The following ARID1B variants were observed in gnomAD, a reference collection of about 807,000 sequenced individuals.
The protein encoded by ARID1B is AT-rich interaction domain 1B, also known as AT-rich interactive domain-containing protein 1B.
A neutral mutation model predicts 212.3 loss-of-function variants in ARID1B; 30 were observed. The observed-to-expected ratio is 0.14, with a 90% CI of 0.11 to 0.19. The LOEUF (loss-of-function observed/expected upper bound fraction) is 0.19, where lower values mean the gene tolerates loss of function less well. Among genes scored for constraint, ARID1B ranks in the 10% least tolerant of loss-of-function variants. The probability of loss-of-function intolerance (pLI) is 1.00; values close to 1 mark genes in which losing one functional copy is unlikely to be tolerated. For synonymous variants in ARID1B, 1,402 were observed against 1,301.7 expected, an observed-to-expected ratio of 1.08 and a Z score of -1.66; for missense variants, 2,891 against 3,204.0, an observed-to-expected ratio of 0.90 and a Z score of 2.36.
intron 10 of ARID1B, among the ~76,000 whole-genome samples, chr6:157,174,482 A>G (rs1415864041): frequency 1.3e-5 from 2 of 151,586 alleles, no homozygotes; most frequent in Non-Finnish European, 2.9e-5. Context: ...AGCAACAACA[A>G]CATACTTAAT....
At chr6:156,849,877 C>G (rs746709452) in intron 2 of ARID1B, among the ~76,000 whole-genome samples, 2 of 151,916 alleles carry the variant, frequency 1.3e-5, no homozygotes, top group Non-Finnish European at 2.9e-5. Flanking sequence ...CTTTCTCTCT[C>G]GGATTAAAAA....
Position 157,200,754 on chromosome 6 carries a change from A to G in ARID1B, c.4529A>G (p.His1510Arg). ...DGMYGPPAKR[H>R]EGDMYNMQYS... Reference sequence around the variant, plus strand: ...ATGTACGGGCCCCCAGCCAAGCGCCACGAGGGCGACATGTACAACATGCAG... The same window carrying G: ...ATGTACGGGCCCCCAGCCAAGCGCCGCGAGGGCGACATGTACAACATGCAG... Residue 1510 changes from histidine (H) to arginine (R), a missense_variant, in exon 18 of 20, where the codon CAC becomes CGC. This residue lies in a region of ARID1B where 666 missense variants were observed against 873.5 expected (regional missense o/e 0.76). Transcript: ENST00000636930. The surrounding 1 kb of genome is among the most constrained non-coding windows in gnomAD (Gnocchi z 4.3). The G allele has an allele frequency of 6.2e-7, 1 of 1,613,686 alleles. No homozygotes were observed. The highest frequency in any genetic ancestry group is 1.3e-5 in the African/African-American group (1 of 75,016).
At chr6:156,847,622 A>G (rs1784317489) in intron 2 of ARID1B, among the ~76,000 whole-genome samples, 1 of 152,206 alleles carries the variant, frequency 6.6e-6, no homozygotes, top group South Asian at 2.1e-4. Flanking sequence ...ATATATTTTA[A>G]TGAGGATGAA....
At chr6:157,060,529 TAAC>T (rs1783269941) in intron 4 of ARID1B, among the ~76,000 whole-genome samples, 1 of 149,952 alleles carries the variant, frequency 6.7e-6, no homozygotes, top group Non-Finnish European at 1.5e-5. Context: ...TACTTTTCAA[TAAC>T]AACAATTTCA....
intron 6 of ARID1B, among the ~76,000 whole-genome samples, chr6:157,123,246 C>CA: frequency 8.0e-6 from 1 of 125,458 alleles, no homozygotes; most frequent in South Asian, 3.2e-4. Flanking sequence ...CCGCCCCCCC[C>CA]CCACACACAC....
chr6:156,799,502 G>A (rs1193642153), intron 1 of ARID1B, among the ~76,000 whole-genome samples: 1 of 152,098 alleles, frequency 6.6e-6, no homozygotes, highest in Non-Finnish European at 1.5e-5. Flanking sequence ...ATTTGGACAC[G>A]GAGTCTTGCT....
intron 2 of ARID1B, among the ~76,000 whole-genome samples, chr6:156,860,109 C>T (rs1015596806): frequency 3.3e-5 from 5 of 152,192 alleles, no homozygotes; most frequent in East Asian, 1.9e-4. Flanking sequence ...TGAACAAAAG[C>T]ACCTATACTT....
At chr6:156,793,197 G>A (rs1189023678) in intron 1 of ARID1B, among the ~76,000 whole-genome samples, 4 of 152,172 alleles carry the variant, frequency 2.6e-5, no homozygotes, top group Admixed American at 2.6e-4. Flanking sequence ...GATTGGAGAA[G>A]AAGCAAGGCA....
intron 3 of ARID1B, among the ~76,000 whole-genome samples, chr6:156,911,425 T>A (rs1436313579): frequency 6.6e-6 from 1 of 150,852 alleles, no homozygotes. Flanking sequence ...GGCATGGTGA[T>A]CTTTTCCATC....
chr6:156,839,290 A>G (rs924112814), intron 2 of ARID1B, among the ~76,000 whole-genome samples: 1 of 152,166 alleles, frequency 6.6e-6, no homozygotes, highest in Non-Finnish European at 1.5e-5. Flanking sequence ...CTGCTTCACA[A>G]CGTGGTGGAA....
intron 7 of ARID1B, among the ~76,000 whole-genome samples, chr6:157,143,511 G>T (rs575111829): frequency 3.1e-4 from 47 of 151,936 alleles, no homozygotes; most frequent in Non-Finnish European, 5.4e-4. Flanking sequence ...TAGTGATGTT[G>T]TTATGGCCAT....
At chr6:156,934,769 G>A (rs1276200143) in intron 3 of ARID1B, among the ~76,000 whole-genome samples, 1 of 151,534 alleles carries the variant, frequency 6.6e-6, no homozygotes, top group Non-Finnish European at 1.5e-5. Context: ...GGAGCTTTTG[G>A]TTTGCTCTGG....
chr6:157,118,316 A>G (rs986946136), intron 6 of ARID1B, among the ~76,000 whole-genome samples: 1 of 152,186 alleles, frequency 6.6e-6, no homozygotes, highest in Non-Finnish European at 1.5e-5. Context: ...GTGACAGTAG[A>G]TCTGCAGATG....
At chr6:157,163,542 C>A (rs1189370958) in intron 8 of ARID1B, among the ~76,000 whole-genome samples, 1 of 152,226 alleles carries the variant, frequency 6.6e-6, no homozygotes, top group African/African-American at 2.4e-5. Flanking sequence ...TGGTGAAAGA[C>A]TGGCTCTCCC....
At chr6:156,983,870 T>C (rs916660263) in intron 4 of ARID1B, among the ~76,000 whole-genome samples, 5 of 152,184 alleles carry the variant, frequency 3.3e-5, no homozygotes, top group African/African-American at 1.2e-4. Flanking sequence ...CCAGCTGTGT[T>C]AATTTGTTCC....
chr6:156,884,875 C>G (rs1166921142), intron 2 of ARID1B, among the ~76,000 whole-genome samples: 4 of 152,142 alleles, frequency 2.6e-5, no homozygotes, highest in Non-Finnish European at 5.9e-5. Context: ...TTCCTTATAC[C>G]TTGTCTTGAG....
At position 157,017,963 on chromosome 6, in the gene ARID1B, C is replaced by CAA. The variant is rs112983063; in HGVS notation, c.2248-66681_2248-66680dup. Among the ~76,000 whole-genome samples, 269 of 97,306 alleles carry CAA rather than the reference C, an allele frequency of 2.8e-3. 13 individuals carry two copies. The highest frequency in any genetic ancestry group is 0.013 in the Middle Eastern group (2 of 160). 63.8% of individuals were successfully genotyped at this position (97,306 alleles called of 152,430 possible). A position where few individuals can be genotyped will look rare whatever the true frequency, so the allele number is the denominator to read the frequency against. ...TGGGCAACATGAGACACCATCTCTA[C>CAA]AAAAAAAAAAAAAAAAAAATTAGCT... is the stretch of plus-strand genomic sequence containing the variant. On this transcript the variant is annotated intron_variant, in intron 4 of 19. Coordinates refer to ENST00000636930, the MANE Select transcript of ARID1B (RefSeq NM_001374828.1).
At chr6:156,980,881 T>A (rs996109767) in intron 4 of ARID1B, among the ~76,000 whole-genome samples, 1 of 152,192 alleles carries the variant, frequency 6.6e-6, no homozygotes, top group African/African-American at 2.4e-5. Context: ...TTAGGGAAAA[T>A]CTTTTATTAT....
At chr6:156,821,784 A>C (rs1337585116) in intron 1 of ARID1B, among the ~76,000 whole-genome samples, 6 of 152,162 alleles carry the variant, frequency 3.9e-5, no homozygotes, top group Non-Finnish European at 8.8e-5. Context: ...CTGTATGCTA[A>C]ATTGAGGGTT....
Sources: allele counts gnomAD v4.1 joint callset (sites outside exome capture counted in the v4.1 genomes callset), GRCh38; gene constraint gnomAD v4.1.1; regional missense constraint gnomAD v4.1.1; non-coding constraint Gnocchi (gnomAD v3.1); transcripts MANE v1.5; gene names NCBI Gene and HGNC (gene_info 2026-07-23, HGNC 2026-07-21).